GLI2: variants seen among roughly 807,000 people sequenced by gnomAD.
GLI2 encodes the protein transcription activator GLI2.
Under a neutral mutation model 78.9 loss-of-function variants are expected in GLI2, and 22 were observed. The observed-to-expected ratio is 0.28, with a 90% CI of 0.20 to 0.40. The LOEUF (loss-of-function observed/expected upper bound fraction) is 0.40. Among genes scored for constraint, GLI2 ranks in the 10% least tolerant of loss-of-function variants. GLI2 has a pLI of 1.00. For synonymous variants in GLI2, 974 were observed against 963.7 expected (o/e 1.01, Z -0.20); for missense variants, 2,097 against 2,213.2 (o/e 0.95, Z 1.05).
chr2:120,882,035 A>G (rs1019659212), intron 2 of GLI2, among the ~76,000 whole-genome samples: 1 of 152,110 alleles, frequency 6.6e-6, no homozygotes. Flanking sequence ...TCCAGAATAC[A>G]CTATCCAGGT....
At chr2:120,965,887 C>A (rs1437586592) in intron 5 of GLI2, among the ~76,000 whole-genome samples, 1 of 152,222 alleles carries the variant, frequency 6.6e-6, no homozygotes, top group Non-Finnish European at 1.5e-5. Context: ...GAGTGAGTTA[C>A]CTGCTCTGCC....
chr2:120,821,734 C>T (rs1685785530), intron 2 of GLI2, among the ~76,000 whole-genome samples: 1 of 152,178 alleles, frequency 6.6e-6, no homozygotes, highest in Admixed American at 6.5e-5. Context: ...TCCCTTTTGC[C>T]CCAACCAGTG....
intron 2 of GLI2, among the ~76,000 whole-genome samples, chr2:120,915,307 G>A (rs978738363): frequency 2.0e-5 from 3 of 152,250 alleles, no homozygotes; most frequent in Non-Finnish European, 4.4e-5. Flanking sequence ...AGTGGCCTGG[G>A]CCTCAGCCAG....
intron 2 of GLI2, among the ~76,000 whole-genome samples, chr2:120,843,720 G>A (rs762620254): frequency 2.1e-4 from 32 of 152,268 alleles, no homozygotes; most frequent in Middle Eastern, 3.4e-3. Flanking sequence ...AGGCTGGAGT[G>A]CAATGGCACG....
chr2:120,767,339 T>C (rs984670635), intron 1 of GLI2, among the ~76,000 whole-genome samples: 3 of 122,734 alleles, frequency 2.4e-5, no homozygotes, highest in African/African-American at 9.3e-5. Context: ...GGCTGGGTGC[T>C]GGTGGCCGGA....
intron 3 of GLI2, among the ~76,000 whole-genome samples, chr2:120,947,535 T>G (rs1448524800): frequency 2.0e-5 from 3 of 152,222 alleles, no homozygotes; most frequent in Non-Finnish European, 4.4e-5. Flanking sequence ...CAGTCATTGA[T>G]GGCTACGATG....
Position 120,746,686 on chromosome 2 carries a change from C to T in GLI2, c.-31+10401C>T, listed in dbSNP as rs707486. Among the ~76,000 whole-genome samples, 8 of 151,938 alleles carry T rather than the reference C, an allele frequency of 5.3e-5. No homozygotes were observed. The East Asian group carries it at 5.8e-4, about 11-fold the overall frequency. ...CTGATGTAAAAATACTAAAAAAAGC[C>T]GCAAAACATTATTTGCCCCCCAAGA... On this transcript the variant is annotated intron_variant, in intron 1 of 13. Coordinates refer to ENST00000361492, the MANE Select transcript of GLI2 (RefSeq NM_001374353.1).
chr2:120,943,006 C>T (rs186355553), intron 3 of GLI2, among the ~76,000 whole-genome samples: 2 of 152,286 alleles, frequency 1.3e-5, no homozygotes, highest in Admixed American at 1.3e-4. Context: ...TCATTCAGCA[C>T]ACACGTATTT....
intron 1 of GLI2, among the ~76,000 whole-genome samples, chr2:120,783,550 A>AG (rs1394440868): frequency 6.6e-6 from 1 of 151,828 alleles, no homozygotes; most frequent in Non-Finnish European, 1.5e-5. Context: ...TCGAAAGGAG[A>AG]GGGGGAAGAG....
At chr2:120,955,216 C>A in intron 4 of GLI2, 29 bp from the exon 5 acceptor site, 3 of 981,794 alleles carry the variant, frequency 3.1e-6, no homozygotes, top group African/African-American at 1.9e-5. Flanking sequence ...CAGGTTCTGA[C>A]GGCTTCTTTC....
intron 2 of GLI2, among the ~76,000 whole-genome samples, chr2:120,878,600 C>T (rs572441202): frequency 6.6e-6 from 1 of 152,232 alleles, no homozygotes; most frequent in Admixed American, 6.5e-5. Context: ...CATATCCTGT[C>T]ACAAAAAGAA....
At position 120,990,008 on chromosome 2, in the gene GLI2, G is replaced by C; in HGVS notation, c.4043G>C (p.Gly1348Ala). Reference sequence around the variant, plus strand: ...GGCCCGATGGGGGTGGCTACAGCAGGCTTTGGCCTAGTGCAGCCCCGGCCT... The same window carrying C: ...GGCCCGATGGGGGTGGCTACAGCAGCCTTTGGCCTAGTGCAGCCCCGGCCT... ...QTGPMGVATA[G>A]FGLVQPRPPL... Residue 1348 changes from glycine to alanine, a missense_variant, in exon 14 of 14, where the codon GGC (glycine) becomes GCC (alanine). Around this residue, in one of 5 missense-constraint regions of GLI2, gnomAD observed 1,290 missense variants for 1,261.7 expected, o/e 1.02. Transcript: ENST00000361492. 2 of 1,609,356 alleles carry C rather than the reference G, an allele frequency of 1.2e-6. No homozygotes were observed. Among genetic ancestry groups the C allele is most frequent in the Non-Finnish European group, 1.7e-6 (2 of 1,178,184 alleles).
chr2:120,964,809 G>A (rs1158373343), intron 5 of GLI2, among the ~76,000 whole-genome samples: 5 of 152,380 alleles, frequency 3.3e-5, no homozygotes, highest in Middle Eastern at 3.4e-3. Context: ...GGGACGGGAC[G>A]TCCGCCTGGC....
At chr2:120,907,893 C>T (rs1193281448) in intron 2 of GLI2, among the ~76,000 whole-genome samples, 2 of 152,174 alleles carry the variant, frequency 1.3e-5, no homozygotes, top group Admixed American at 6.5e-5. Context: ...TGCTTCCCAC[C>T]GGACTGCTGG....
chr2:120,989,808 C>T lies in GLI2; in HGVS notation c.3843C>T (p.Arg1281=). Residue 1281 remains arginine (R), a synonymous_variant, in exon 14 of 14, where the codon CGC becomes CGT. Transcript: ENST00000361492. ...VAPDPTTMGN[R]HRELGVPDSA... ...CTGACCCCACCACGATGGGCAATCG[C>T]CACAGGGAACTTGGGGTCCCCGATT... The T allele has an allele frequency of 6.2e-7, 1 of 1,611,022 alleles. No individual in the cohort carries two copies. Among genetic ancestry groups the T allele is most frequent in the South Asian group, 1.1e-5 (1 of 90,830 alleles).
At chr2:120,763,310 T>C (rs922098257) in intron 1 of GLI2, among the ~76,000 whole-genome samples, 1 of 152,162 alleles carries the variant, frequency 6.6e-6, no homozygotes, top group Non-Finnish European at 1.5e-5. Flanking sequence ...GAATAAACGA[T>C]TGAATGAATG....
At position 120,938,932 on chromosome 2, in the gene GLI2, C is replaced by G. The variant is rs536609022; in HGVS notation, c.254+11466C>G. Among the ~76,000 whole-genome samples the G allele has an allele frequency of 2.8e-5, 3 of 106,424 alleles. No homozygotes were observed. In the East Asian group the frequency reaches 9.5e-4, roughly 34 times the overall value. The allele number at this position is 106,424 out of a possible 152,430, so 69.8% of individuals were successfully genotyped here. A position where few individuals can be genotyped will look rare whatever the true frequency, so the allele number is the denominator to read the frequency against. ...ACTTAAACCAGAGACTACTTCTACC[C>G]AGCCATCCTTTTAAAAAAAAAATTG... On this transcript the variant is annotated intron_variant, in intron 3 of 13. Coordinates refer to ENST00000361492, the MANE Select transcript of GLI2 (RefSeq NM_001374353.1).
At chr2:120,771,893 C>G (rs1190974006) in intron 1 of GLI2, among the ~76,000 whole-genome samples, 2 of 152,240 alleles carry the variant, frequency 1.3e-5, no homozygotes, top group Non-Finnish European at 2.9e-5. Context: ...TGCTTGCAGA[C>G]TGCACAGTCG....
At chr2:120,844,388 A>T (rs1687017045) in intron 2 of GLI2, among the ~76,000 whole-genome samples, 1 of 152,210 alleles carries the variant, frequency 6.6e-6, no homozygotes, top group African/African-American at 2.4e-5. Flanking sequence ...TAAAATTAGT[A>T]CATCCAGCCC....
Sources: allele counts gnomAD v4.1 joint callset (sites outside exome capture counted in the v4.1 genomes callset), GRCh38; gene constraint gnomAD v4.1.1; regional missense constraint gnomAD v4.1.1; transcripts MANE v1.5; gene names NCBI Gene and HGNC (gene_info 2026-07-23, HGNC 2026-07-21).